Variants in RBM46 observed in about 807,000 individuals in gnomAD.
RBM46 encodes RNA binding motif protein 46, also known as probable RNA-binding protein 46.
RBM46 carries 12 observed loss-of-function variants against 43.3 expected under a neutral mutation model. The observed-to-expected ratio is 0.28, with a 90% CI of 0.18 to 0.45. The LOEUF is 0.45. RBM46 is among the 20% of genes least tolerant of loss of function. The probability of loss-of-function intolerance (pLI) is 1.00; values close to 1 mark genes in which losing one functional copy is unlikely to be tolerated. For missense variants in RBM46, 412 were observed against 639.1 expected, an observed-to-expected ratio of 0.64 and a Z score of 3.83; for synonymous variants, 205 against 207.6, an observed-to-expected ratio of 0.99 and a Z score of 0.11.
Position 154,799,109 on chromosome 4 carries a change from G to A in RBM46, c.947G>A (p.Arg316Lys), listed in dbSNP as rs1449807176. 1 of 1,614,056 alleles carries A rather than the reference G, an allele frequency of 6.2e-7. No individual in the cohort carries two copies. Among genetic ancestry groups the A allele is most frequent in the Admixed American group, 1.7e-5 (1 of 60,012 alleles). Residue 316 changes from arginine (R) to lysine (K), a missense_variant, in exon 4 of 5, where the codon AGA (arginine) becomes AAA (lysine). Coordinates refer to ENST00000281722, the MANE Select transcript of RBM46 (RefSeq NM_144979.5). ...AKPVNKENTWRQHLNGQISPN... is the reference protein window; with the variant it reads ...AKPVNKENTWKQHLNGQISPN... ...CCAGTAAATAAAGAAAACACTTGGA[G>A]ACAGCATCTTAATGGTCAGATTAGT...
chr4:154,784,145 T>G (rs1319192627), intron 1 of RBM46, among the ~76,000 whole-genome samples: 2 of 152,222 alleles, frequency 1.3e-5, no homozygotes, highest in Non-Finnish European at 2.9e-5. Flanking sequence ...AAGGCACGCT[T>G]TGATATTCTT....
intron 4 of RBM46, among the ~76,000 whole-genome samples, chr4:154,815,048 CTCTGACTTAT>C (rs1264196962): frequency 6.6e-6 from 1 of 151,940 alleles, no homozygotes; most frequent in Non-Finnish European, 1.5e-5. Context: ...GAGGCCACTC[CTCTGACTTAT>C]TCTATGTATT....
chr4:154,807,584 T>C (rs1734968551), intron 4 of RBM46, among the ~76,000 whole-genome samples: 1 of 151,860 alleles, frequency 6.6e-6, no homozygotes, highest in Admixed American at 6.6e-5. Context: ...CCAGGCCTTT[T>C]AGGTAAAATC....
intron 4 of RBM46, among the ~76,000 whole-genome samples, chr4:154,803,673 G>A (rs1490307387): frequency 1.6e-5 from 2 of 128,264 alleles, no homozygotes; most frequent in Non-Finnish European, 3.1e-5. Flanking sequence ...ACTGCACTCA[G>A]GCCTGGGCAA....
At chr4:154,800,910 TTTTTATATATTGTTTAGGCTTGC>T (rs767434905) in intron 4 of RBM46, among the ~76,000 whole-genome samples, 8 of 152,070 alleles carry the variant, frequency 5.3e-5, no homozygotes, top group African/African-American at 7.2e-5. Flanking sequence ...GGGAGAATAA[TTTTTATATATTGTTTAGGCTTGC>T]TTTTATATAT....
chr4:154,828,169 T>C lies in RBM46; in HGVS notation c.*102T>C. 1 of 874,016 alleles carries C rather than the reference T, an allele frequency of 1.1e-6. No homozygotes were observed. Among genetic ancestry groups the C allele is most frequent in the Non-Finnish European group, 1.8e-6 (1 of 544,260 alleles). 54.1% of individuals were successfully genotyped at this position (874,016 alleles called of 1,614,324 possible). A position where few individuals can be genotyped will look rare whatever the true frequency, so the allele number is the denominator to read the frequency against. On this transcript the variant is annotated 3_prime_UTR_variant, in exon 5 of 5. Coordinates refer to ENST00000281722, the MANE Select transcript of RBM46 (RefSeq NM_144979.5). ...TTTAGAATCGGGTTTGCATATTTGG[T>C]TTTAAAAAGGTATTTATTCCAAAGT... is the stretch of plus-strand genomic sequence containing the variant.
At position 154,798,779 on chromosome 4, in the gene RBM46, C is replaced by A; in HGVS notation, c.620-3C>A. 7.0e-7 allele frequency: 1 copy of A among 1,421,674 alleles called. No individual in the cohort carries two copies. The highest frequency in any genetic ancestry group is 2.6e-5 in the East Asian group (1 of 38,116). The allele number at this position is 1,421,674 out of a possible 1,614,324, so 88.1% of individuals were successfully genotyped here. On this transcript the variant is annotated splice_region_variant and splice_polypyrimidine_tract_variant and intron_variant, in intron 3 of 4. Coordinates refer to ENST00000281722, the MANE Select transcript of RBM46 (RefSeq NM_144979.5). The stretch of plus-strand genomic sequence containing the variant: ...TCTTCAAATTATTATTTTTTTTTTA[C>A]AGGAACATTCCAACTATGGGGCCAC...
rs1735742549 is a variant in RBM46, at chr4:154,822,009, T to A, written c.1403-5859T>A. 2.0e-5 allele frequency among the ~76,000 whole-genome samples: 3 copies of A among 151,942 alleles called. No homozygotes were observed. In the South Asian group the frequency reaches 6.2e-4, roughly 31 times the overall value. On this transcript the variant is annotated intron_variant, in intron 4 of 4. Transcript: ENST00000281722. ...TTTTAAGAAATTCTTGCACTTTAAT[T>A]GTATGGGATGTAGTTTGGGAAATAC... is the stretch of plus-strand genomic sequence containing the variant.
At chr4:154,826,481 A>C (rs1735970020) in intron 4 of RBM46, among the ~76,000 whole-genome samples, 1 of 152,108 alleles carries the variant, frequency 6.6e-6, no homozygotes, top group African/African-American at 2.4e-5. Context: ...AAAGATAAAT[A>C]AATAAATAAA....
rs944268134 is a variant in RBM46 at position 154,828,179 on chromosome 4, G to T, written c.*112G>T. 13 of 777,636 alleles carry T rather than the reference G, an allele frequency of 1.7e-5. No homozygotes were observed. The African/African-American group carries it at 2.3e-4, about 14-fold the overall frequency. 48.2% of individuals were successfully genotyped at this position (777,636 alleles called of 1,614,324 possible). A position where few individuals can be genotyped will look rare whatever the true frequency, so the allele number is the denominator to read the frequency against. ...GGTTTGCATATTTGGTTTTAAAAAG[G>T]TATTTATTCCAAAGTACTAAACATC... On this transcript the variant is annotated 3_prime_UTR_variant, in exon 5 of 5. Transcript: ENST00000281722.
chr4:154,824,468 T>C lies in RBM46; in HGVS notation c.1403-3400T>C, dbSNP rs115235191. Among the ~76,000 whole-genome samples, 342 of 152,092 alleles carry C rather than the reference T, an allele frequency of 2.2e-3. 4 individuals carry two copies. Among genetic ancestry groups the C allele is most frequent in the African/African-American group, 7.9e-3 (329 of 41,524 alleles). On this transcript the variant is annotated intron_variant, in intron 4 of 4. Coordinates refer to ENST00000281722, the MANE Select transcript of RBM46 (RefSeq NM_144979.5). ...ACCCAGATATTCATCATTAGGCAAA[T>C]AGATAATGAAATTGAAGTATATTCA...
chr4:154,784,048 C>T (rs1052212505), intron 1 of RBM46, among the ~76,000 whole-genome samples: 4 of 152,198 alleles, frequency 2.6e-5, no homozygotes, highest in African/African-American at 9.7e-5. Flanking sequence ...TTCCATGTAC[C>T]ATACTCAATG....
At chr4:154,812,601 A>G (rs1466141961) in intron 4 of RBM46, among the ~76,000 whole-genome samples, 2 of 152,210 alleles carry the variant, frequency 1.3e-5, no homozygotes, top group Admixed American at 6.5e-5. Flanking sequence ...ATTATATTCA[A>G]AACATCCCAA....
chr4:154,806,499 T>G (rs1467974659), intron 4 of RBM46, among the ~76,000 whole-genome samples: 1 of 151,852 alleles, frequency 6.6e-6, no homozygotes, highest in Non-Finnish European at 1.5e-5. Context: ...AAAATAATAC[T>G]TTAAAATATT....
At chr4:154,798,628 G>C (rs961415437) in intron 3 of RBM46, among the ~76,000 whole-genome samples, 154 bp from the exon 4 acceptor site, 3 of 152,098 alleles carry the variant, frequency 2.0e-5, no homozygotes, top group Non-Finnish European at 4.4e-5. Flanking sequence ...ATTTACTTTA[G>C]TAAAAATTTT....
chr4:154,791,433 A>G (rs57280919), intron 1 of RBM46, among the ~76,000 whole-genome samples: 7,310 of 152,240 alleles, frequency 0.048, 583 homozygotes, highest in African/African-American at 0.16. Context: ...AAGGCGGTGG[A>G]TCACTTGAGC....
chr4:154,807,284 G>A (rs1224740217), intron 4 of RBM46, among the ~76,000 whole-genome samples: 3 of 151,390 alleles, frequency 2.0e-5, no homozygotes, highest in Admixed American at 6.6e-5. Flanking sequence ...TTTTAATGTG[G>A]CTTTAAAAGG....
chr4:154,805,520 G>A (rs1413496597), intron 4 of RBM46, among the ~76,000 whole-genome samples: 4 of 151,890 alleles, frequency 2.6e-5, no homozygotes, highest in Non-Finnish European at 5.9e-5. Context: ...GATAGTCGCT[G>A]TTAGCTTATC....
chr4:154,792,543 G>C (rs1414629123), intron 1 of RBM46, among the ~76,000 whole-genome samples: 13 of 152,170 alleles, frequency 8.5e-5, no homozygotes, highest in Non-Finnish European at 1.6e-4. Flanking sequence ...GAAATGAAAG[G>C]CTAGACCCTT....
Sources: allele counts gnomAD v4.1 joint callset (sites outside exome capture counted in the v4.1 genomes callset), GRCh38; gene constraint gnomAD v4.1.1; transcripts MANE v1.5; gene names NCBI Gene and HGNC (gene_info 2026-07-23, HGNC 2026-07-21).